The following GRIK4 variants were observed in gnomAD, a reference collection of about 807,000 sequenced individuals.
GRIK4 encodes glutamate receptor ionotropic, kainate 4.
GRIK4 carries 40 observed loss-of-function variants against 104.9 expected under a neutral mutation model. The observed-to-expected ratio is 0.38, with a 90% CI of 0.30 to 0.50. The LOEUF is 0.50. Among genes scored for constraint, GRIK4 ranks in the 20% least tolerant of loss-of-function variants. The pLI is 0.93. For synonymous variants in GRIK4, 485 were observed against 524.9 expected, an observed-to-expected ratio of 0.92 and a Z score of 1.04; for missense variants, 1,047 against 1,308.1, an observed-to-expected ratio of 0.80 and a Z score of 3.08.
intron 1 of GRIK4, among the ~76,000 whole-genome samples, chr11:120,515,871 T>C (rs1187535623): frequency 6.6e-6 from 1 of 152,200 alleles, no homozygotes; most frequent in Non-Finnish European, 1.5e-5. Context: ...TAACATTGTA[T>C]TGACTGCGTA....
chr11:120,944,993 G>T (rs554404202), intron 14 of GRIK4, among the ~76,000 whole-genome samples: 1 of 150,760 alleles, frequency 6.6e-6, no homozygotes, highest in South Asian at 2.1e-4. Flanking sequence ...CCTGGGTGTT[G>T]GTTTAAAAAA....
intron 3 of GRIK4, among the ~76,000 whole-genome samples, chr11:120,757,682 T>A (rs1373191682): frequency 2.0e-5 from 3 of 152,158 alleles, no homozygotes; most frequent in Admixed American, 2.0e-4. Flanking sequence ...AATACTGGTT[T>A]GCCGAATTGG....
At chr11:120,622,796 G>A (rs1430219991) in intron 1 of GRIK4, among the ~76,000 whole-genome samples, 1 of 152,166 alleles carries the variant, frequency 6.6e-6, no homozygotes, top group African/African-American at 2.4e-5. Context: ...GGCTTTAGCT[G>A]GTCTTTGCTG....
rs552004724 is a variant in GRIK4 at position 120,819,160 on chromosome 11, G to A, written c.346-595G>A. ...CAGAGGTTCTCTAGATGGTTTCTCC[G>A]CCTGCAGGGCTTCCTTCCTCCATGT... On this transcript the variant is annotated intron_variant, in intron 5 of 20. Coordinates refer to ENST00000527524, the MANE Select transcript of GRIK4 (RefSeq NM_014619.5). This position sits in a 1 kb window ranked among gnomAD's most constrained non-coding sequence, Gnocchi z 4.3. Among the ~76,000 whole-genome samples, 4 of 152,250 alleles carry A rather than the reference G, an allele frequency of 2.6e-5. No homozygotes were observed. Among genetic ancestry groups the A allele is most frequent in the South Asian group, 4.1e-4 (2 of 4,824 alleles).
chr11:120,795,360 C>T (rs967090477), intron 3 of GRIK4, among the ~76,000 whole-genome samples: 2 of 152,114 alleles, frequency 1.3e-5, no homozygotes, highest in African/African-American at 2.4e-5. Flanking sequence ...CAGCCAGCCC[C>T]GGGGGACCCT....
intron 1 of GRIK4, among the ~76,000 whole-genome samples, chr11:120,565,985 C>T (rs1948317490): frequency 6.6e-6 from 1 of 152,186 alleles, no homozygotes; most frequent in Non-Finnish European, 1.5e-5. Context: ...TTTCCTACCC[C>T]TTGAGCCGTG....
At chr11:120,804,915 T>C (rs900014386) in intron 4 of GRIK4, among the ~76,000 whole-genome samples, 2 of 152,126 alleles carry the variant, frequency 1.3e-5, no homozygotes, top group African/African-American at 4.8e-5. Context: ...CCATACCATA[T>C]AGAACAGGGC....
At chr11:120,632,858 A>G (rs2135185827) in intron 1 of GRIK4, among the ~76,000 whole-genome samples, 1 of 152,234 alleles carries the variant, frequency 6.6e-6, no homozygotes, top group East Asian at 1.9e-4. Context: ...AGGAACACCC[A>G]GCTTGGGGCC....
At chr11:120,753,320 T>TGTGTGTG (rs1391240959) in intron 3 of GRIK4, among the ~76,000 whole-genome samples, 1 of 149,728 alleles carries the variant, frequency 6.7e-6, no homozygotes, top group Non-Finnish European at 1.5e-5. Context: ...TGTGTGTGTG[T>TGTGTGTG]GTGTGTGTGT....
chr11:120,533,599 T>C (rs1351709241), intron 1 of GRIK4, among the ~76,000 whole-genome samples: 1 of 152,238 alleles, frequency 6.6e-6, no homozygotes, highest in Non-Finnish European at 1.5e-5. Context: ...TTAACTTGGC[T>C]GGGTGTGGTG....
intron 11 of GRIK4, among the ~76,000 whole-genome samples, chr11:120,885,287 A>G (rs1955085587): frequency 1.3e-5 from 2 of 152,266 alleles, no homozygotes; most frequent in Admixed American, 6.5e-5. Flanking sequence ...GAGGAAGGCC[A>G]ATTTGATCAT....
chr11:120,796,170 G>A (rs1355801704), intron 3 of GRIK4, among the ~76,000 whole-genome samples: 2 of 151,658 alleles, frequency 1.3e-5, no homozygotes, highest in East Asian at 3.9e-4. Flanking sequence ...CGAGTAGCTG[G>A]GACTACATGT....
At chr11:120,575,246 A>C (rs1948466025) in intron 1 of GRIK4, among the ~76,000 whole-genome samples, 1 of 151,758 alleles carries the variant, frequency 6.6e-6, no homozygotes. Flanking sequence ...CACGTTTTCC[A>C]CTTAGCTCAG....
In GRIK4 at chr11:120,776,377, A is replaced by G. The variant is rs548897344; in HGVS notation, c.83-26316A>G. On this transcript the variant is annotated intron_variant, in intron 3 of 20. Transcript: ENST00000527524. ...CAGGCATTCTTTCCACCTGCTGGGC[A>G]TTGGAGAGGAGGAGTTGGAGTTCCC... Among the ~76,000 whole-genome samples, 144 of 152,262 alleles carry G rather than the reference A, an allele frequency of 9.5e-4. 2 individuals carry two copies. In the South Asian group the frequency reaches 0.029, roughly 31 times the overall value.
intron 1 of GRIK4, among the ~76,000 whole-genome samples, chr11:120,570,889 AC>A (rs1342177704): frequency 8.5e-5 from 13 of 152,238 alleles, no homozygotes; most frequent in Non-Finnish European, 1.3e-4. Context: ...AATATTATTT[AC>A]AACTATTGTG....
chr11:120,748,369 C>T (rs1314396707), intron 3 of GRIK4, among the ~76,000 whole-genome samples: 2 of 152,008 alleles, frequency 1.3e-5, no homozygotes, highest in African/African-American at 2.4e-5. Context: ...TTTTATTTAT[C>T]ACCTTGAAAC....
chr11:120,943,135 C>T (rs1943766017), intron 14 of GRIK4, among the ~76,000 whole-genome samples: 1 of 121,068 alleles, frequency 8.3e-6, no homozygotes, highest in African/African-American at 4.5e-5. Context: ...CACACACACA[C>T]ACACACACAC....
At chr11:120,844,999 C>T (rs1953816140) in intron 8 of GRIK4, among the ~76,000 whole-genome samples, 1 of 152,174 alleles carries the variant, frequency 6.6e-6, no homozygotes. Context: ...CTGCCTTGGT[C>T]AGCCTTGATC....
chr11:120,957,057 C>T (rs921801262), intron 16 of GRIK4, 104 bp downstream of exon 16: 14 of 1,005,732 alleles, frequency 1.4e-5, no homozygotes, highest in Non-Finnish European at 2.0e-5. Flanking sequence ...GCCTCTGCCT[C>T]TTACAGCAGA....
Sources: allele counts gnomAD v4.1 joint callset (sites outside exome capture counted in the v4.1 genomes callset), GRCh38; gene constraint gnomAD v4.1.1; non-coding constraint Gnocchi (gnomAD v3.1); transcripts MANE v1.5; gene names NCBI Gene and HGNC (gene_info 2026-07-23, HGNC 2026-07-21).